CTNNA2: variants seen among roughly 807,000 people sequenced by gnomAD.
CTNNA2 encodes the protein catenin alpha 2.
In CTNNA2, 42 loss-of-function variants were observed where a neutral mutation model predicts 101.0. The observed-to-expected ratio is 0.42, with a 90% CI of 0.32 to 0.54. The LOEUF (loss-of-function observed/expected upper bound fraction) is 0.54. Ranked by LOEUF, CTNNA2 falls within the 20% of genes least tolerant of loss-of-function variation. The pLI, the probability that CTNNA2 is intolerant of heterozygous loss-of-function variation, is 0.14. For synonymous variants in CTNNA2, 450 were observed against 456.4 expected (o/e 0.99, Z 0.18); for missense variants, 871 against 1,223.1 (o/e 0.71, Z 4.29).
intron 7 of CTNNA2, among the ~76,000 whole-genome samples, chr2:80,030,214 G>C (rs955810411): frequency 4.0e-5 from 6 of 149,134 alleles, no homozygotes; most frequent in African/African-American, 1.5e-4. Context: ...ACACATTTTT[G>C]AGATGAGAAT....
At chr2:79,677,048 G>T (rs1319008032) in intron 2 of CTNNA2, among the ~76,000 whole-genome samples, 1 of 151,986 alleles carries the variant, frequency 6.6e-6, no homozygotes. Flanking sequence ...TCCCACCTCA[G>T]CCTCCTGAGT....
intron 4 of CTNNA2, among the ~76,000 whole-genome samples, chr2:79,417,789 G>T (rs950900247): frequency 2.6e-5 from 4 of 152,078 alleles, no homozygotes; most frequent in African/African-American, 9.7e-5. Flanking sequence ...TTGTATGTGT[G>T]TGTGTGTTGT....
intron 7 of CTNNA2, among the ~76,000 whole-genome samples, chr2:80,226,179 T>A (rs1326374160): frequency 6.6e-6 from 1 of 152,212 alleles, no homozygotes; most frequent in Non-Finnish European, 1.5e-5. Flanking sequence ...ATACCTAAAT[T>A]GCTAGGGTTA....
At chr2:80,248,758 A>T (rs1671538246) in intron 7 of CTNNA2, among the ~76,000 whole-genome samples, 1 of 152,168 alleles carries the variant, frequency 6.6e-6, no homozygotes, top group African/African-American at 2.4e-5. Context: ...TGTCTCTAGG[A>T]CATAAAATAT....
intron 9 of CTNNA2, among the ~76,000 whole-genome samples, chr2:80,491,467 G>T (rs1687056542): frequency 6.6e-6 from 1 of 152,186 alleles, no homozygotes; most frequent in Non-Finnish European, 1.5e-5. Context: ...AAAAATGAAG[G>T]TAGGATTTAT....
At chr2:79,923,740 G>A (rs779844905) in intron 7 of CTNNA2, among the ~76,000 whole-genome samples, 16 of 151,942 alleles carry the variant, frequency 1.1e-4, no homozygotes, top group Admixed American at 5.3e-4. Context: ...TCATCTCCCC[G>A]TGTTTCATCC....
At chr2:80,509,632 G>A (rs894668954) in intron 9 of CTNNA2, among the ~76,000 whole-genome samples, 1 of 152,080 alleles carries the variant, frequency 6.6e-6, no homozygotes, top group African/African-American at 2.4e-5. Context: ...GTTCAGCACA[G>A]TACTACCAAT....
chr2:79,750,927 A>G (rs986918657), intron 3 of CTNNA2, among the ~76,000 whole-genome samples: 1 of 152,084 alleles, frequency 6.6e-6, no homozygotes, highest in African/African-American at 2.4e-5. Flanking sequence ...TTGATATTCT[A>G]TATTAAAATA....
At chr2:79,810,402 A>G (rs183201911) in intron 3 of CTNNA2, among the ~76,000 whole-genome samples, 2 of 152,210 alleles carry the variant, frequency 1.3e-5, no homozygotes, top group Non-Finnish European at 2.9e-5. Flanking sequence ...AAACCGCCCC[A>G]TGATTCATTT....
At chr2:79,415,615 C>A (rs1035510097) in intron 4 of CTNNA2, among the ~76,000 whole-genome samples, 1 of 151,898 alleles carries the variant, frequency 6.6e-6, no homozygotes, top group Non-Finnish European at 1.5e-5. Flanking sequence ...TGGGAAAATG[C>A]TTAAGGAATA....
intron 3 of CTNNA2, among the ~76,000 whole-genome samples, chr2:79,857,595 A>C (rs1681239177): frequency 6.6e-6 from 1 of 152,200 alleles, no homozygotes; most frequent in South Asian, 2.1e-4. Flanking sequence ...CCAAGGTCTT[A>C]ACTTTCAATT....
chr2:79,742,535 G>A (rs1405728442), intron 2 of CTNNA2, among the ~76,000 whole-genome samples: 1 of 152,124 alleles, frequency 6.6e-6, no homozygotes, highest in Non-Finnish European at 1.5e-5. Flanking sequence ...GCTGTTCTGG[G>A]GAGTTGAGGT....
chr2:79,325,741 C>G (rs1275932692), intron 3 of CTNNA2, among the ~76,000 whole-genome samples: 1 of 152,206 alleles, frequency 6.6e-6, no homozygotes, highest in Non-Finnish European at 1.5e-5. Flanking sequence ...TGGGTTCTTT[C>G]ATTGCACCTT....
At chr2:79,338,578 A>ATCTTCTTCTTCTTCTTCT (rs70940029) in intron 3 of CTNNA2, among the ~76,000 whole-genome samples, 35 of 117,794 alleles carry the variant, frequency 3.0e-4, no homozygotes, top group East Asian at 4.9e-4. Context: ...CCTCCTCATC[A>ATCTTCTTCTTCTTCTTCT]TCTTCTTCTT....
intron 7 of CTNNA2, chr2:80,313,513 C>G: frequency 1.3e-6 from 2 of 1,588,704 alleles, no homozygotes; most frequent in South Asian, 1.2e-5. Flanking sequence ...AGAGATTTTT[C>G]TAGCTAATTG....
At chr2:79,847,620 T>G (rs1195765979) in intron 3 of CTNNA2, among the ~76,000 whole-genome samples, 1 of 150,888 alleles carries the variant, frequency 6.6e-6, no homozygotes, top group Non-Finnish European at 1.5e-5. Flanking sequence ...GCGTTTTTTG[T>G]CCTAGAGGTC....
At chr2:79,735,051 T>C (rs545025468) in intron 2 of CTNNA2, among the ~76,000 whole-genome samples, 1 of 152,082 alleles carries the variant, frequency 6.6e-6, no homozygotes, top group Non-Finnish European at 1.5e-5. Flanking sequence ...TCTGCTTTAA[T>C]GTAGAGTGGT....
intron 2 of CTNNA2, among the ~76,000 whole-genome samples, chr2:79,245,737 A>G (rs1437742803): frequency 6.6e-6 from 1 of 152,170 alleles, no homozygotes; most frequent in East Asian, 1.9e-4. Flanking sequence ...CTTATATTCT[A>G]AGAGATATTT....
At position 79,925,290 on chromosome 2, in the gene CTNNA2, C is replaced by T. The variant is rs181873211; in HGVS notation, c.1056+15493C>T. Reference sequence around the variant, plus strand: ...CTTAGAACTTTTATTAGGTATGTGACCCAATGATTTGATTTATAAACATGC... The same window carrying T: ...CTTAGAACTTTTATTAGGTATGTGATCCAATGATTTGATTTATAAACATGC... On this transcript the variant is annotated intron_variant, in intron 7 of 18. Transcript: ENST00000402739. Among the ~76,000 whole-genome samples, 210 of 152,108 alleles carry T rather than the reference C, an allele frequency of 1.4e-3. 1 individual carries two copies. The highest frequency in any genetic ancestry group is 4.3e-3 in the African/African-American group (180 of 41,518).
Sources: gnomAD v4.1 joint callset for allele counts (sites outside exome capture counted in the v4.1 genomes callset) on GRCh38, gnomAD v4.1.1 for gene constraint, MANE v1.5 for transcripts, NCBI Gene and HGNC (gene_info 2026-07-23, HGNC 2026-07-21) for gene names.